The following AZIN1 variants were observed in gnomAD, a reference collection of about 807,000 sequenced individuals.
AZIN1 encodes ornithine decarboxylase antizyme inhibitor.
AZIN1 carries 12 observed loss-of-function variants against 47.4 expected under a neutral mutation model. That is an observed-to-expected ratio of 0.25 (90% CI 0.16 to 0.41). The LOEUF (loss-of-function observed/expected upper bound fraction) is 0.41. Among genes scored for constraint, AZIN1 ranks in the 10% least tolerant of loss-of-function variants. The probability of loss-of-function intolerance (pLI) is 1.00; values close to 1 mark genes in which losing one functional copy is unlikely to be tolerated. For synonymous variants in AZIN1, 155 were observed against 176.3 expected, an observed-to-expected ratio of 0.88 and a Z score of 0.96; for missense variants, 410 against 532.4, an observed-to-expected ratio of 0.77 and a Z score of 2.26.
Position 102,827,706 on chromosome 8 carries a change from A to G in AZIN1, c.*861T>C, listed in dbSNP as rs1449606223. On this transcript the variant is annotated 3_prime_UTR_variant, in exon 12 of 12. Transcript: ENST00000337198. ...GGTACTCTATGCATTCTATCTATAC[A>G]GAAACACCTATTTATTATTACAGTT... 1 of 152,682 alleles carries G rather than the reference A, an allele frequency of 6.5e-6. No homozygotes were observed. Among genetic ancestry groups the G allele is most frequent in the African/African-American group, 2.4e-5 (1 of 41,474 alleles). The allele number at this position is 152,682 out of a possible 1,614,324, so 9.5% of individuals were successfully genotyped here. A position where few individuals can be genotyped will look rare whatever the true frequency, so the allele number is the denominator to read the frequency against.
intron 11 of AZIN1, 68 bp from the exon 12 acceptor site, chr8:102,828,746 G>A (rs1277772359): frequency 1.3e-5 from 12 of 950,238 alleles, no homozygotes; most frequent in Admixed American, 7.0e-5. Context: ...CATAACAAAT[G>A]GATAATAAAA....
intron 2 of AZIN1, among the ~76,000 whole-genome samples, chr8:102,849,228 G>A (rs1812775189): frequency 6.6e-6 from 1 of 152,118 alleles, no homozygotes; most frequent in African/African-American, 2.4e-5. Context: ...AGGAGGCGGA[G>A]GTTACAGTGA....
chr8:102,833,891 TA>T (rs74551220), intron 8 of AZIN1, among the ~76,000 whole-genome samples: 5,167 of 126,478 alleles, frequency 0.041, 207 homozygotes, highest in African/African-American at 0.12. Flanking sequence ...AGGAAGACTT[TA>T]AAAAAAAAAA....
At chr8:102,841,868 T>C (rs1812214149) in intron 3 of AZIN1, among the ~76,000 whole-genome samples, 1 of 150,948 alleles carries the variant, frequency 6.6e-6, no homozygotes, top group Non-Finnish European at 1.5e-5. Flanking sequence ...CCCAGCACTT[T>C]GGGAGGCCAA....
At chr8:102,834,372 C>A in intron 7 of AZIN1, 109 bp from the exon 8 acceptor site, 1 of 855,970 alleles carries the variant, frequency 1.2e-6, no homozygotes, top group Non-Finnish European at 1.8e-6. Flanking sequence ...ATCTTTAGTA[C>A]AGCAAATTCT....
At chr8:102,836,602 T>C (rs1481365464) in intron 5 of AZIN1, 1 of 532,618 alleles carries the variant, frequency 1.9e-6, no homozygotes, top group African/African-American at 1.9e-5. Context: ...GGATGGGATT[T>C]TGGAAAATGC....
intron 8 of AZIN1, among the ~76,000 whole-genome samples, 195 bp from the exon 9 acceptor site, chr8:102,833,413 A>G (rs535361734): frequency 9.7e-4 from 148 of 152,352 alleles, no homozygotes; most frequent in Middle Eastern, 3.4e-3. Context: ...TGTAACTATC[A>G]GAATGGCATT....
At chr8:102,858,186 CTA>C in intron 1 of AZIN1, 36 bp from the exon 2 acceptor site, 1 of 398,448 alleles carries the variant, frequency 2.5e-6, no homozygotes, top group Non-Finnish European at 4.4e-6. Context: ...GAAGATAGTC[CTA>C]TGTTAAAAAA....
rs949272258 is a variant in AZIN1, at chr8:102,826,789, A to T, written c.*1778T>A. 6.6e-6 allele frequency: 1 copy of T among 152,604 alleles called. No homozygotes were observed. Among genetic ancestry groups the T allele is most frequent in the Non-Finnish European group, 1.5e-5 (1 of 68,026 alleles). 9.5% of individuals were successfully genotyped at this position (152,604 alleles called of 1,614,324 possible). A position where few individuals can be genotyped will look rare whatever the true frequency, so the allele number is the denominator to read the frequency against. ...GGACCACAACAATGCACAACATGTA[A>T]AGAAGGTAGGAAACAGTTCCCCCTC... is the stretch of plus-strand genomic sequence containing the variant. On this transcript the variant is annotated 3_prime_UTR_variant, in exon 12 of 12. Coordinates refer to ENST00000337198, the MANE Select transcript of AZIN1 (RefSeq NM_148174.4).
rs781592637 is a variant in AZIN1, at chr8:102,837,997, G to A, written c.449+747C>T. Among the ~76,000 whole-genome samples, 40 of 152,086 alleles carry A rather than the reference G, an allele frequency of 2.6e-4. 1 individual carries two copies. Among genetic ancestry groups the A allele is most frequent in the Non-Finnish European group, 5.1e-4 (35 of 68,016 alleles). The stretch of plus-strand genomic sequence containing the variant: ...TGCCCAGGCTGGAGTGCAGTGGCTC[G>A]ATCTTGGCTCACTGCAGCCTCCGGC... On this transcript the variant is annotated intron_variant, in intron 5 of 11. Coordinates refer to ENST00000337198, the MANE Select transcript of AZIN1 (RefSeq NM_148174.4).
At position 102,833,282 on chromosome 8, in the gene AZIN1, GATTGAT is replaced by G. The variant is rs943448451; in HGVS notation, c.742-70_742-65del. ...GATTAGATAATTCGCAATATTCAGA[GATTGAT>G]ATTAACAAAATTTTCTAGGAAAATG... is the stretch of plus-strand genomic sequence containing the variant. On this transcript the variant is annotated intron_variant, in intron 8 of 11. Coordinates refer to ENST00000337198, the MANE Select transcript of AZIN1 (RefSeq NM_148174.4). 6.8e-6 allele frequency: 10 copies of G among 1,469,572 alleles called. No individual in the cohort carries two copies. In the Middle Eastern group the frequency reaches 5.4e-4, roughly 79 times the overall value. The allele number at this position is 1,469,572 out of a possible 1,614,324, so 91.0% of individuals were successfully genotyped here.
intron 5 of AZIN1, chr8:102,836,667 G>C: frequency 3.0e-6 from 1 of 338,076 alleles, no homozygotes; most frequent in East Asian, 5.4e-5. Context: ...TGTAATGAAA[G>C]ACGACATTAC....
At chr8:102,857,186 A>C (rs1233646504) in intron 2 of AZIN1, among the ~76,000 whole-genome samples, 1 of 152,204 alleles carries the variant, frequency 6.6e-6, no homozygotes, top group Non-Finnish European at 1.5e-5. Flanking sequence ...CTAAAATTCT[A>C]ATTTGTATTA....
intron 3 of AZIN1, among the ~76,000 whole-genome samples, chr8:102,840,885 A>T (rs961877855): frequency 1.3e-5 from 2 of 152,268 alleles, no homozygotes; most frequent in Non-Finnish European, 2.9e-5. Context: ...TAACAGTTGT[A>T]TTAAGTTATC....
chr8:102,837,711 T>A (rs558646213), intron 5 of AZIN1, among the ~76,000 whole-genome samples: 2 of 152,294 alleles, frequency 1.3e-5, no homozygotes, highest in African/African-American at 4.8e-5. Flanking sequence ...TTTACCAGAG[T>A]AATCAATGCT....
At chr8:102,862,397 A>G (rs1813737533) in intron 1 of AZIN1, among the ~76,000 whole-genome samples, 1 of 152,140 alleles carries the variant, frequency 6.6e-6, no homozygotes, top group African/African-American at 2.4e-5. Context: ...TTGAAAACGT[A>G]TGTGATAAAA....
intron 3 of AZIN1, among the ~76,000 whole-genome samples, 179 bp downstream of exon 3, chr8:102,843,372 G>A (rs1812347970): frequency 6.6e-6 from 1 of 152,140 alleles, no homozygotes; most frequent in South Asian, 2.1e-4. Flanking sequence ...AAATAATGTG[G>A]ATTGGAAAGA....
chr8:102,853,799 T>G (rs938237518), intron 2 of AZIN1, among the ~76,000 whole-genome samples: 2 of 151,432 alleles, frequency 1.3e-5, no homozygotes, highest in African/African-American at 4.8e-5. Flanking sequence ...TTAATGAATG[T>G]TCTGTTACAT....
chr8:102,862,968 C>G (rs567774547), intron 1 of AZIN1, among the ~76,000 whole-genome samples: 1 of 152,370 alleles, frequency 6.6e-6, no homozygotes, highest in East Asian at 1.9e-4. Context: ...GTCTACCAAT[C>G]TCCCTCTTTC....
Sources: gnomAD v4.1 joint callset for allele counts (sites outside exome capture counted in the v4.1 genomes callset) on GRCh38, gnomAD v4.1.1 for gene constraint, MANE v1.5 for transcripts, NCBI Gene and HGNC (gene_info 2026-07-23, HGNC 2026-07-21) for gene names.